Variants in B4GALT4 observed in about 807,000 individuals in gnomAD.
The protein encoded by B4GALT4 is N-acetyllactosamine synthase.
In B4GALT4, 27 loss-of-function variants were observed where a neutral mutation model predicts 37.3. The observed-to-expected ratio is 0.72, with a 90% CI of 0.53 to 1.00. B4GALT4 has a LOEUF of 1.00. Among genes scored for constraint, B4GALT4 ranks in the 50% least tolerant of loss-of-function variants. The pLI is 0.00. For missense variants in B4GALT4, 372 were observed against 413.1 expected (o/e 0.90, Z 0.86); for synonymous variants, 148 against 154.1 (o/e 0.96, Z 0.29).
At chr3:119,236,387 A>G (rs1484784444) in intron 2 of B4GALT4, 1 of 152,112 alleles carries the variant, frequency 6.6e-6, no homozygotes. Flanking sequence ...AGTATTGATC[A>G]ATGTAGTATG....
chr3:119,232,505 T>G (rs2078854185), intron 2 of B4GALT4: 1 of 152,288 alleles, frequency 6.6e-6, no homozygotes, highest in Non-Finnish European at 1.5e-5. Context: ...ATATTTCCTC[T>G]TTTCTCCCCT....
intron 5 of B4GALT4, among the ~76,000 whole-genome samples, chr3:119,222,858 G>T (rs1383828703): frequency 2.0e-5 from 3 of 152,210 alleles, no homozygotes; most frequent in African/African-American, 7.2e-5. Flanking sequence ...ACCATAGTTT[G>T]TTCTAGGTGT....
At chr3:119,233,965 G>A (rs1471153932) in intron 2 of B4GALT4, among the ~76,000 whole-genome samples, 4 of 152,152 alleles carry the variant, frequency 2.6e-5, no homozygotes, top group Non-Finnish European at 5.9e-5. Context: ...TTTCAAGAAA[G>A]ACCAGCCAAG....
rs1304481780 is a variant in B4GALT4, at chr3:119,224,357, A to G, written c.487-112T>C. 4.2e-5 allele frequency: 28 copies of G among 669,010 alleles called. No individual in the cohort carries two copies. The Admixed American group carries it at 1.1e-3, about 26-fold the overall frequency. The allele number at this position is 669,010 out of a possible 1,614,324, so 41.4% of individuals were successfully genotyped here. On this transcript the variant is annotated intron_variant, in intron 4 of 7. Transcript: ENST00000393765. Reference sequence around the variant, plus strand: ...TTATTCTAATTATTCTACGCACGAGACTACACTTGTGACATAAAGATCTGA... The same window carrying G: ...TTATTCTAATTATTCTACGCACGAGGCTACACTTGTGACATAAAGATCTGA...
intron 3 of B4GALT4, among the ~76,000 whole-genome samples, chr3:119,228,221 C>G (rs775906079): frequency 1.2e-4 from 19 of 152,184 alleles, no homozygotes; most frequent in African/African-American, 2.4e-5. Flanking sequence ...CAAAGAGCCT[C>G]ACGCAACAGG....
chr3:119,222,503 C>A (rs1189139888), intron 5 of B4GALT4, among the ~76,000 whole-genome samples: 3 of 152,134 alleles, frequency 2.0e-5, no homozygotes. Flanking sequence ...CTGATACATT[C>A]AAAATCAGCT....
chr3:119,223,408 A>G (rs1280704106), intron 5 of B4GALT4, among the ~76,000 whole-genome samples: 1 of 152,180 alleles, frequency 6.6e-6, no homozygotes. Flanking sequence ...ATTCTGTGTC[A>G]CTATTCCCGC....
At chr3:119,215,643 T>C (rs968240624) in intron 7 of B4GALT4, 4 of 152,228 alleles carry the variant, frequency 2.6e-5, no homozygotes. Flanking sequence ...TATTAAGTTA[T>C]ACTACCAGGA....
intron 6 of B4GALT4, among the ~76,000 whole-genome samples, chr3:119,217,455 A>T (rs2078321980): frequency 6.6e-6 from 1 of 152,194 alleles, no homozygotes; most frequent in Admixed American, 6.5e-5. Flanking sequence ...CATGGGAACA[A>T]GAGCAGCATG....
chr3:119,228,158 G>T (rs566958781), intron 3 of B4GALT4, among the ~76,000 whole-genome samples: 25 of 152,300 alleles, frequency 1.6e-4, no homozygotes, highest in Non-Finnish European at 3.1e-4. Context: ...CTCCTGTGTG[G>T]CCTGTTCACA....
chr3:119,218,957 A>G (rs2078369504), intron 5 of B4GALT4, among the ~76,000 whole-genome samples, 185 bp from the exon 6 acceptor site: 1 of 151,910 alleles, frequency 6.6e-6, no homozygotes, highest in South Asian at 2.1e-4. Flanking sequence ...TCCTCTATCT[A>G]GACAAACGCT....
Position 119,224,387 on chromosome 3 carries a change from G to C in B4GALT4, c.487-142C>G, listed in dbSNP as rs9824387. Reference sequence around the variant, plus strand: ...ACTTGTGACATAAAGATCTGACAGAGAAGATGCAATGACAATAAAAGACCA... The same window carrying C: ...ACTTGTGACATAAAGATCTGACAGACAAGATGCAATGACAATAAAAGACCA... On this transcript the variant is annotated intron_variant, in intron 4 of 7. Coordinates refer to ENST00000393765, the MANE Select transcript of B4GALT4 (RefSeq NM_003778.4). 36 of 567,696 alleles carry C rather than the reference G, an allele frequency of 6.3e-5. No homozygotes were observed. The East Asian group carries it at 1.1e-3, about 17-fold the overall frequency. 35.2% of individuals were successfully genotyped at this position (567,696 alleles called of 1,614,324 possible).
intron 3 of B4GALT4, among the ~76,000 whole-genome samples, chr3:119,228,417 C>CACCTTTAGTCCAGT (rs1207045885): frequency 6.6e-6 from 1 of 152,186 alleles, no homozygotes; most frequent in African/African-American, 2.4e-5. Context: ...CCAACCACAT[C>CACCTTTAGTCCAGT]ACCTTTAGTC....
chr3:119,230,144 G>A lies in B4GALT4; in HGVS notation c.-45C>T. ...ATATCTATCTCTCTGCTTCACTGCA[G>A]GCAAGAAAGCTTCAAGTTGAGCTTT... On this transcript the variant is annotated 5_prime_UTR_variant, in exon 3 of 8. Coordinates refer to ENST00000393765, the MANE Select transcript of B4GALT4 (RefSeq NM_003778.4). 2 of 1,600,694 alleles carry A rather than the reference G, an allele frequency of 1.2e-6. No individual in the cohort carries two copies. Among genetic ancestry groups the A allele is most frequent in the Non-Finnish European group, 1.7e-6 (2 of 1,172,584 alleles).
chr3:119,228,208 G>A (rs1211381352), intron 3 of B4GALT4, among the ~76,000 whole-genome samples: 1 of 152,116 alleles, frequency 6.6e-6, no homozygotes, highest in Non-Finnish European at 1.5e-5. Flanking sequence ...GTTCTTGCGC[G>A]CTCAAAGAGC....
At chr3:119,228,216 AG>A (rs1184584129) in intron 3 of B4GALT4, among the ~76,000 whole-genome samples, 1 of 152,132 alleles carries the variant, frequency 6.6e-6, no homozygotes, top group African/African-American at 2.4e-5. Flanking sequence ...GCGCTCAAAG[AG>A]CCTCACGCAA....
chr3:119,225,659 C>T (rs1193730059), intron 4 of B4GALT4, among the ~76,000 whole-genome samples: 1 of 152,032 alleles, frequency 6.6e-6, no homozygotes, highest in Non-Finnish European at 1.5e-5. Context: ...AAACTCCTAT[C>T]CTCAAGTGAT....
chr3:119,216,410 C>A, intron 6 of B4GALT4, 66 bp from the exon 7 acceptor site: 4 of 1,266,686 alleles, frequency 3.2e-6, no homozygotes, highest in Non-Finnish European at 2.2e-6. Flanking sequence ...AAATAAAAAG[C>A]ATCATTTGCG....
At chr3:119,216,370 A>T in intron 6 of B4GALT4, 26 bp from the exon 7 acceptor site, 1 of 1,591,512 alleles carries the variant, frequency 6.3e-7, no homozygotes, top group Admixed American at 1.7e-5. Flanking sequence ...AGATTTTTTT[A>T]AAGTCCATCC....
Sources: allele counts gnomAD v4.1 joint callset (sites outside exome capture counted in the v4.1 genomes callset), GRCh38; gene constraint gnomAD v4.1.1; transcripts MANE v1.5; gene names NCBI Gene and HGNC (gene_info 2026-07-23, HGNC 2026-07-21).